The following GMPS variants were observed in gnomAD, a reference collection of about 807,000 sequenced individuals.
The protein encoded by GMPS is GMP synthase [glutamine-hydrolyzing].
GMPS carries 15 observed loss-of-function variants against 77.9 expected under a neutral mutation model. That is an observed-to-expected ratio of 0.19 (90% CI 0.13 to 0.30). GMPS has a LOEUF of 0.30. GMPS is among the 10% of genes least tolerant of loss of function. GMPS has a pLI of 1.00. For synonymous variants in GMPS, 224 were observed against 275.9 expected, an observed-to-expected ratio of 0.81 and a Z score of 1.86; for missense variants, 590 against 838.8, an observed-to-expected ratio of 0.70 and a Z score of 3.66.
intron 3 of GMPS, among the ~76,000 whole-genome samples, chr3:155,899,140 G>A (rs1577512217): frequency 1.3e-5 from 2 of 152,240 alleles, no homozygotes; most frequent in East Asian, 3.9e-4. Context: ...GGCCGAGGCG[G>A]GTGGATCACC....
Position 155,941,994 on chromosome 3 carries a change from G to A in GMPS, c.*4302G>A, listed in dbSNP as rs1346395846. ...GTCAGTGTTCCTCAACACTGGATGCGTATTATTACATAACCTGAGGAGTTA... is the reference window on the plus strand; with the variant it reads ...GTCAGTGTTCCTCAACACTGGATGCATATTATTACATAACCTGAGGAGTTA... On this transcript the variant is annotated 3_prime_UTR_variant, in exon 16 of 16. Transcript: ENST00000496455. The A allele has an allele frequency of 2.9e-5, 6 of 208,358 alleles. No individual in the cohort carries two copies. The highest frequency in any genetic ancestry group is 1.2e-4 in the Admixed American group (2 of 16,922). 12.9% of individuals were successfully genotyped at this position (208,358 alleles called of 1,614,324 possible).
In GMPS at chr3:155,928,020, T is replaced by G. The variant is rs552390684; in HGVS notation, c.1560+2654T>G. Among the ~76,000 whole-genome samples the G allele has an allele frequency of 9.4e-4, 24 of 25,622 alleles. No individual in the cohort carries two copies. In the South Asian group the frequency reaches 0.017, roughly 18 times the overall value. 16.8% of individuals were successfully genotyped at this position (25,622 alleles called of 152,430 possible). On this transcript the variant is annotated intron_variant, in intron 12 of 15. Transcript: ENST00000496455. Reference sequence around the variant, plus strand: ...TTTTATGTGCATGTGCATTTTACACTTTTTTTTTTTTTTTTTTTTTTTTTG... The same window carrying G: ...TTTTATGTGCATGTGCATTTTACACGTTTTTTTTTTTTTTTTTTTTTTTTG...
intron 3 of GMPS, among the ~76,000 whole-genome samples, chr3:155,899,847 AT>A (rs1319540339): frequency 6.6e-6 from 1 of 152,172 alleles, no homozygotes; most frequent in Non-Finnish European, 1.5e-5. Flanking sequence ...ATCATACAGT[AT>A]GTAGCCTTTT....
At chr3:155,916,239 C>CT in intron 9 of GMPS, 47 bp downstream of exon 9, 5 of 1,130,610 alleles carry the variant, frequency 4.4e-6, no homozygotes, top group Non-Finnish European at 5.3e-6. Context: ...CATGGAAAGT[C>CT]TTCCATTCTT....
In GMPS at chr3:155,902,280, G is replaced by A. The variant is rs573990693; in HGVS notation, c.325-1583G>A. Among the ~76,000 whole-genome samples the A allele has an allele frequency of 3.4e-4, 52 of 152,228 alleles. No homozygotes were observed. In the South Asian group the frequency reaches 9.9e-3, roughly 29 times the overall value. On this transcript the variant is annotated intron_variant, in intron 3 of 15. Transcript: ENST00000496455. Reference sequence around the variant, plus strand: ...AGGTGAATCCAAAAATTAGACAAGGGCCAAGTAAGGAAGTCTTGTGTTTAA... The same window carrying A: ...AGGTGAATCCAAAAATTAGACAAGGACCAAGTAAGGAAGTCTTGTGTTTAA...
At chr3:155,924,731 C>T (rs1397281822) in intron 11 of GMPS, among the ~76,000 whole-genome samples, 1 of 151,922 alleles carries the variant, frequency 6.6e-6, no homozygotes, top group Non-Finnish European at 1.5e-5. Context: ...CTATAACATT[C>T]CTAGTTAAGA....
At chr3:155,912,504 T>C (rs1755068424) in intron 7 of GMPS, among the ~76,000 whole-genome samples, 1 of 152,224 alleles carries the variant, frequency 6.6e-6, no homozygotes, top group African/African-American at 2.4e-5. Context: ...TGTTTTCTGT[T>C]AGGTGGTGCT....
intron 11 of GMPS, among the ~76,000 whole-genome samples, chr3:155,922,904 C>T (rs529412942): frequency 3.4e-4 from 52 of 152,242 alleles, no homozygotes; most frequent in African/African-American, 1.3e-3. Context: ...GTTGGTAGTG[C>T]TTATGGGAGT....
chr3:155,894,286 C>T (rs942141024), intron 2 of GMPS, among the ~76,000 whole-genome samples: 1 of 152,102 alleles, frequency 6.6e-6, no homozygotes. Flanking sequence ...TGCAGCGGCA[C>T]GATTTTGGCT....
intron 8 of GMPS, 146 bp from the exon 9 acceptor site, chr3:155,915,873 A>AT: frequency 1.6e-6 from 1 of 620,036 alleles, no homozygotes; most frequent in Non-Finnish European, 2.8e-6. Context: ...GGACATGTTC[A>AT]TTAAGGAGTT....
chr3:155,935,087 G>GT, intron 14 of GMPS, 41 bp downstream of exon 14: 1 of 1,460,046 alleles, frequency 6.8e-7, no homozygotes, highest in Non-Finnish European at 9.6e-7. Flanking sequence ...TCTGAAACTA[G>GT]TTTTTGGAAG....
At chr3:155,917,480 T>C (rs1755211952) in intron 9 of GMPS, among the ~76,000 whole-genome samples, 1 of 152,210 alleles carries the variant, frequency 6.6e-6, no homozygotes, top group South Asian at 2.1e-4. Context: ...CTCATATAGG[T>C]GGAATCATAC....
rs62287811 is a variant in GMPS at position 155,942,178 on chromosome 3, G to A, written c.*4486G>A. ...CTCGGCTCACTGCAAGCTCCGCTTC[G>A]TGGGTTCACGCCATTCTCCTGCCTC... On this transcript the variant is annotated 3_prime_UTR_variant, in exon 16 of 16. Coordinates refer to ENST00000496455, the MANE Select transcript of GMPS (RefSeq NM_003875.3). 1.9e-3 allele frequency: 340 copies of A among 183,140 alleles called. No homozygotes were observed. The highest frequency in any genetic ancestry group is 2.8e-3 in the Non-Finnish European group (246 of 86,336). The allele number at this position is 183,140 out of a possible 1,614,324, so 11.3% of individuals were successfully genotyped here.
Position 155,938,603 on chromosome 3 carries a change from C to A in GMPS, c.*911C>A. 4.9e-6 allele frequency: 1 copy of A among 202,888 alleles called. No homozygotes were observed. Among genetic ancestry groups the A allele is most frequent in the East Asian group, 7.6e-5 (1 of 13,242 alleles). The allele number at this position is 202,888 out of a possible 1,614,324, so 12.6% of individuals were successfully genotyped here. On this transcript the variant is annotated 3_prime_UTR_variant, in exon 16 of 16. Coordinates refer to ENST00000496455, the MANE Select transcript of GMPS (RefSeq NM_003875.3). ...TTCTGAGATCACAGAAGCTATGATG[C>A]ATACCTACAGCTTACAAAAGGGAGA...
chr3:155,876,204 G>A (rs1438385221), intron 1 of GMPS, among the ~76,000 whole-genome samples: 1 of 152,120 alleles, frequency 6.6e-6, no homozygotes, highest in African/African-American at 2.4e-5. Flanking sequence ...TGGCCTCGAG[G>A]CTCCTGTGCA....
rs113855452 is a variant in GMPS, at chr3:155,907,908, C to A, written c.526+1645C>A. Among the ~76,000 whole-genome samples, 848 of 152,184 alleles carry A rather than the reference C, an allele frequency of 5.6e-3. 4 individuals are homozygous for A. Among genetic ancestry groups the A allele is most frequent in the Non-Finnish European group, 9.0e-3 (610 of 68,018 alleles). ...ACCATATTTGAGGAGCAGCAGGAAT[C>A]CATGTGGTTGGAGCAGAGTAAGCAT... On this transcript the variant is annotated intron_variant, in intron 5 of 15. Coordinates refer to ENST00000496455, the MANE Select transcript of GMPS (RefSeq NM_003875.3).
chr3:155,905,539 A>G (rs908428414), intron 4 of GMPS, among the ~76,000 whole-genome samples: 1 of 152,174 alleles, frequency 6.6e-6, no homozygotes, highest in African/African-American at 2.4e-5. Context: ...CAGATAACAG[A>G]GTTGGGCAGT....
At chr3:155,886,727 C>T (rs1029083289) in intron 1 of GMPS, among the ~76,000 whole-genome samples, 4 of 145,650 alleles carry the variant, frequency 2.7e-5, no homozygotes, top group Admixed American at 7.1e-5. Flanking sequence ...AGGTTGGTCT[C>T]GATCTCCTGA....
chr3:155,920,581 AAAAAAAAAG>A (rs1265949878), intron 10 of GMPS, among the ~76,000 whole-genome samples: 188 of 149,372 alleles, frequency 1.3e-3, no homozygotes, highest in African/African-American at 4.6e-3. Context: ...TCTTAAAAAA[AAAAAAAAAG>A]AAAAAAAAAA....
Sources: gnomAD v4.1 joint callset for allele counts (sites outside exome capture counted in the v4.1 genomes callset) on GRCh38, gnomAD v4.1.1 for gene constraint, MANE v1.5 for transcripts, NCBI Gene and HGNC (gene_info 2026-07-23, HGNC 2026-07-21) for gene names.